PDZRN4: variants seen among roughly 807,000 people sequenced by gnomAD.
PDZRN4 encodes PDZ domain-containing RING finger protein 4.
A neutral mutation model predicts 99.0 loss-of-function variants in PDZRN4; 70 were observed. The ratio of observed to expected loss-of-function variants is 0.71; its 90% CI spans 0.58 to 0.86. The LOEUF (loss-of-function observed/expected upper bound fraction) is 0.86, where lower values mean the gene tolerates loss of function less well. PDZRN4 is among the 40% of genes least tolerant of loss of function. The probability of loss-of-function intolerance (pLI) is 0.00; values close to 1 mark genes in which losing one functional copy is unlikely to be tolerated. For missense variants in PDZRN4, 1,474 were observed against 1,331.2 expected, an observed-to-expected ratio of 1.11 and a Z score of -1.67; for synonymous variants, 551 against 501.6, an observed-to-expected ratio of 1.10 and a Z score of -1.32.
chr12:41,507,367 T>G (rs964245691), intron 4 of PDZRN4, among the ~76,000 whole-genome samples: 4 of 152,200 alleles, frequency 2.6e-5, no homozygotes, highest in African/African-American at 9.6e-5. Flanking sequence ...TTGAACAGTT[T>G]TAAAAGTATG....
At chr12:41,493,235 A>G (rs982843410) in intron 3 of PDZRN4, among the ~76,000 whole-genome samples, 1 of 152,220 alleles carries the variant, frequency 6.6e-6, no homozygotes, top group Non-Finnish European at 1.5e-5. Flanking sequence ...ACATAAAATC[A>G]TCGGAGATGC....
intron 3 of PDZRN4, among the ~76,000 whole-genome samples, chr12:41,504,116 A>G (rs1938162421): frequency 6.6e-6 from 1 of 152,106 alleles, no homozygotes; most frequent in South Asian, 2.1e-4. Context: ...TAAAAATACA[A>G]AAGTTAGCCT....
intron 3 of PDZRN4, among the ~76,000 whole-genome samples, chr12:41,475,384 G>A (rs1953031695): frequency 6.6e-6 from 1 of 152,082 alleles, no homozygotes; most frequent in African/African-American, 2.4e-5. Context: ...TAAATCACCG[G>A]ATGTTTAACA....
chr12:41,534,317 G>A (rs188501680), intron 5 of PDZRN4, among the ~76,000 whole-genome samples: 3 of 151,646 alleles, frequency 2.0e-5, no homozygotes, highest in African/African-American at 7.3e-5. Flanking sequence ...CGGGGTACAA[G>A]TGCAGGATGT....
At chr12:41,423,866 T>A (rs548421161) in intron 3 of PDZRN4, among the ~76,000 whole-genome samples, 1 of 152,174 alleles carries the variant, frequency 6.6e-6, no homozygotes, top group African/African-American at 2.4e-5. Flanking sequence ...TAATCAGTCC[T>A]ATCAGCAGCA....
At chr12:41,430,798 G>T (rs1952580466) in intron 3 of PDZRN4, among the ~76,000 whole-genome samples, 1 of 152,142 alleles carries the variant, frequency 6.6e-6, no homozygotes, top group African/African-American at 2.4e-5. Flanking sequence ...CTTGAGACTG[G>T]GTAGTTTATG....
intron 3 of PDZRN4, among the ~76,000 whole-genome samples, chr12:41,433,063 C>T (rs563889408): frequency 7.9e-5 from 12 of 152,288 alleles, no homozygotes; most frequent in Non-Finnish European, 1.3e-4. Context: ...GGGACATTAG[C>T]TGATAAAAGA....
rs1172302262 is a variant in PDZRN4 at position 41,573,432 on chromosome 12, C to A, written c.2653C>A (p.Pro885Thr). ...MCKESQKCSE[P>T]KMEWKVKIRS... is the part of the protein sequence containing the mutation. ...CAAGGAGTCTCAGAAGTGTTCAGAG[C>A]CCAAGATGGAATGGAAGGTGAAAAT... Residue 885 changes from proline to threonine, a missense_variant, in exon 10 of 10, where the codon CCC (proline) becomes ACC (threonine). Transcript: ENST00000402685. 3.7e-6 allele frequency: 6 copies of A among 1,613,552 alleles called. No homozygotes were observed. Among genetic ancestry groups the A allele is most frequent in the Middle Eastern group, 1.6e-4 (1 of 6,080 alleles).
chr12:41,414,032 T>A (rs1276310670), intron 3 of PDZRN4, among the ~76,000 whole-genome samples: 2 of 152,146 alleles, frequency 1.3e-5, no homozygotes, highest in Admixed American at 1.3e-4. Flanking sequence ...CCTTAATGAT[T>A]GCTTGTCTGA....
chr12:41,472,710 CAT>C (rs1565592045), intron 3 of PDZRN4, among the ~76,000 whole-genome samples: 2 of 152,130 alleles, frequency 1.3e-5, no homozygotes, highest in South Asian at 2.1e-4. Flanking sequence ...TATGTTAACT[CAT>C]GTGGTTTTCT....
At chr12:41,447,801 C>T (rs553257952) in intron 3 of PDZRN4, among the ~76,000 whole-genome samples, 2 of 152,106 alleles carry the variant, frequency 1.3e-5, no homozygotes, top group Admixed American at 6.6e-5. Flanking sequence ...ATTGTAAATA[C>T]CAAATGTCCC....
chr12:41,307,793 C>T (rs915073766), intron 3 of PDZRN4, among the ~76,000 whole-genome samples: 9 of 151,974 alleles, frequency 5.9e-5, no homozygotes, highest in South Asian at 2.1e-4. Flanking sequence ...ATACTTTACA[C>T]GTACTGATAC....
At chr12:41,329,066 A>G (rs1341701615) in intron 3 of PDZRN4, among the ~76,000 whole-genome samples, 1 of 152,104 alleles carries the variant, frequency 6.6e-6, no homozygotes, top group Non-Finnish European at 1.5e-5. Context: ...CCTCACCTCT[A>G]TTTCAACTTT....
At chr12:41,399,182 T>G (rs1753413546) in intron 3 of PDZRN4, among the ~76,000 whole-genome samples, 1 of 152,090 alleles carries the variant, frequency 6.6e-6, no homozygotes, top group Admixed American at 6.5e-5. Flanking sequence ...TTATTTTTAA[T>G]TATACAAATA....
At chr12:41,544,333 A>G (rs184594845) in intron 5 of PDZRN4, among the ~76,000 whole-genome samples, 16 of 152,340 alleles carry the variant, frequency 1.1e-4, no homozygotes, top group Admixed American at 9.8e-4. Flanking sequence ...TACAGCTTTC[A>G]GAACGTATTC....
At chr12:41,392,767 T>A (rs1262605791) in intron 3 of PDZRN4, among the ~76,000 whole-genome samples, 1 of 152,196 alleles carries the variant, frequency 6.6e-6, no homozygotes, top group African/African-American at 2.4e-5. Flanking sequence ...TGAAACTACA[T>A]GTACAGTAGA....
chr12:41,404,377 A>G (rs1444897761), intron 3 of PDZRN4, among the ~76,000 whole-genome samples: 1 of 152,146 alleles, frequency 6.6e-6, no homozygotes, highest in Non-Finnish European at 1.5e-5. Flanking sequence ...CCAGGTTGAG[A>G]GTCAATTCAA....
intron 3 of PDZRN4, among the ~76,000 whole-genome samples, chr12:41,495,167 C>CAG (rs965599021): frequency 2.0e-5 from 3 of 151,722 alleles, no homozygotes; most frequent in African/African-American, 4.8e-5. Context: ...GAAAGAGAAA[C>CAG]AGAGAGAGAG....
rs1340815715 is a variant in PDZRN4, at chr12:41,188,384, G to T, written c.-72G>T. On this transcript the variant is annotated 5_prime_UTR_variant, in exon 1 of 10. Transcript: ENST00000402685. Reference sequence around the variant, plus strand: ...CCGCGAGACGGCTGCCCCGGGGGTGGCCCGGGGAAGGCAGGGGGGCTCGGA... The same window carrying T: ...CCGCGAGACGGCTGCCCCGGGGGTGTCCCGGGGAAGGCAGGGGGGCTCGGA... 3.6e-6 allele frequency: 5 copies of T among 1,373,140 alleles called. No individual in the cohort carries two copies. Among genetic ancestry groups the T allele is most frequent in the Non-Finnish European group, 4.8e-6 (5 of 1,042,382 alleles). 85.1% of individuals were successfully genotyped at this position (1,373,140 alleles called of 1,614,324 possible).
Sources: gnomAD v4.1 joint callset for allele counts (sites outside exome capture counted in the v4.1 genomes callset) on GRCh38, gnomAD v4.1.1 for gene constraint, MANE v1.5 for transcripts, NCBI Gene and HGNC (gene_info 2026-07-23, HGNC 2026-07-21) for gene names.